The following ERC2 variants were observed in gnomAD, a reference collection of about 807,000 sequenced individuals.
ERC2 encodes the protein ERC protein 2.
ERC2 carries 42 observed loss-of-function variants against 114.8 expected under a neutral mutation model. The ratio of observed to expected loss-of-function variants is 0.37; its 90% CI spans 0.29 to 0.47. The LOEUF is 0.47. Among genes scored for constraint, ERC2 ranks in the 20% least tolerant of loss-of-function variants. The pLI is 0.99. For synonymous variants in ERC2, 454 were observed against 425.5 expected (o/e 1.07, Z -0.82); for missense variants, 939 against 1,150.7 (o/e 0.82, Z 2.66).
At chr3:55,767,962 G>A (rs527670841) in intron 14 of ERC2, among the ~76,000 whole-genome samples, 3 of 152,114 alleles carry the variant, frequency 2.0e-5, no homozygotes, top group Non-Finnish European at 4.4e-5. Context: ...TTGGATCATG[G>A]GGGCAGATTT....
At chr3:55,598,835 G>A (rs972570726) in intron 17 of ERC2, among the ~76,000 whole-genome samples, 3 of 152,196 alleles carry the variant, frequency 2.0e-5, no homozygotes, top group Admixed American at 2.0e-4. Context: ...CAGATTGTCT[G>A]GGGAACATTC....
Position 55,777,178 on chromosome 3 carries a change from G to T in ERC2, c.2565-42260C>A, listed in dbSNP as rs113851741. 2.0e-5 allele frequency among the ~76,000 whole-genome samples: 3 copies of T among 152,350 alleles called. 1 individual carries two copies. The highest frequency in any genetic ancestry group is 7.2e-5 in the African/African-American group (3 of 41,584). On this transcript the variant is annotated intron_variant, in intron 14 of 17. Coordinates refer to ENST00000288221, the MANE Select transcript of ERC2 (RefSeq NM_015576.3). ...GCCAGGCAGAGGCACCTGGCACCCT[G>T]TGGATCATACCTGGTGTCAATATTC...
intron 14 of ERC2, among the ~76,000 whole-genome samples, chr3:55,863,266 C>CTGGA (rs1028372767): frequency 2.0e-5 from 3 of 152,094 alleles, no homozygotes. Flanking sequence ...AGACTCAGTA[C>CTGGA]TGGATAAGTG....
chr3:55,924,260 G>T (rs1480267142), intron 13 of ERC2, among the ~76,000 whole-genome samples: 5 of 152,246 alleles, frequency 3.3e-5, no homozygotes, highest in Admixed American at 2.6e-4. Context: ...CCAAGGGCCA[G>T]ACAGTAAAAT....
chr3:56,189,459 A>G (rs1052294962), intron 3 of ERC2, among the ~76,000 whole-genome samples: 1 of 152,230 alleles, frequency 6.6e-6, no homozygotes, highest in Non-Finnish European at 1.5e-5. Context: ...TGTTGAGTCC[A>G]TCCTTCTGGG....
intron 13 of ERC2, among the ~76,000 whole-genome samples, chr3:55,920,936 T>C (rs560532217): frequency 1.8e-4 from 27 of 152,110 alleles, no homozygotes; most frequent in African/African-American, 6.0e-4. Flanking sequence ...GTCACACAGC[T>C]AGAAAGTGAT....
chr3:56,061,341 T>G (rs912595879), intron 7 of ERC2, among the ~76,000 whole-genome samples: 2 of 152,234 alleles, frequency 1.3e-5, no homozygotes, highest in Non-Finnish European at 2.9e-5. Flanking sequence ...CTATTGACCT[T>G]GTAAGCATTT....
At chr3:56,370,220 T>A (rs544351233) in intron 2 of ERC2, among the ~76,000 whole-genome samples, 1 of 152,322 alleles carries the variant, frequency 6.6e-6, no homozygotes, top group African/African-American at 2.4e-5. Flanking sequence ...GATGGAAATC[T>A]TAGAAACATC....
intron 17 of ERC2, chr3:55,657,761 T>A (rs1277406764): frequency 6.6e-6 from 1 of 152,210 alleles, no homozygotes; most frequent in African/African-American, 2.4e-5. Flanking sequence ...CACCCACCCC[T>A]GGATGTATTT....
chr3:55,974,313 G>A (rs967953862), intron 12 of ERC2, among the ~76,000 whole-genome samples: 3 of 152,144 alleles, frequency 2.0e-5, no homozygotes, highest in Non-Finnish European at 2.9e-5. Flanking sequence ...CCTTGTCTTC[G>A]TTATGTGCTG....
At chr3:56,032,997 A>AAC (rs1553782231) in intron 7 of ERC2, among the ~76,000 whole-genome samples, 1 of 139,222 alleles carries the variant, frequency 7.2e-6, no homozygotes, top group East Asian at 2.4e-4. Context: ...GAAAGAAAGA[A>AAC]AGAAAGAAAG....
At position 56,435,143 on chromosome 3, in the gene ERC2, G is replaced by A; in HGVS notation, c.-136C>T. 1 of 642,454 alleles carries A rather than the reference G, an allele frequency of 1.6e-6. No homozygotes were observed. Among genetic ancestry groups the A allele is most frequent in the South Asian group, 2.1e-5 (1 of 47,546 alleles). The allele number at this position is 642,454 out of a possible 1,614,324, so 39.8% of individuals were successfully genotyped here. A position where few individuals can be genotyped will look rare whatever the true frequency, so the allele number is the denominator to read the frequency against. On this transcript the variant is annotated 5_prime_UTR_variant, in exon 2 of 18. Transcript: ENST00000288221. ...CCGTACCAGAAAATAACTCCACTCA[G>A]AGATCTACAAAGTGAAAAAAAGAAT...
intron 17 of ERC2, among the ~76,000 whole-genome samples, chr3:55,561,308 T>C (rs1034599185): frequency 1.3e-5 from 2 of 152,190 alleles, no homozygotes; most frequent in South Asian, 2.1e-4. Flanking sequence ...GTGTCCATTA[T>C]GGCTTTGGAC....
chr3:56,208,009 G>A (rs552314536), intron 3 of ERC2, among the ~76,000 whole-genome samples: 1 of 152,288 alleles, frequency 6.6e-6, no homozygotes, highest in African/African-American at 2.4e-5. Flanking sequence ...TGTGTTAAGC[G>A]TAAACTGCTT....
chr3:55,609,463 C>T (rs1184079864), intron 17 of ERC2, among the ~76,000 whole-genome samples: 1 of 152,106 alleles, frequency 6.6e-6, no homozygotes, highest in Non-Finnish European at 1.5e-5. Context: ...GGAGGGAAGA[C>T]TGGAAGTTAA....
chr3:55,588,063 A>C (rs79254835), intron 17 of ERC2, among the ~76,000 whole-genome samples: 3,521 of 152,274 alleles, frequency 0.023, 149 homozygotes, highest in African/African-American at 0.08. Context: ...AAGTTATCCA[A>C]GTGCCTAAAA....
intron 13 of ERC2, among the ~76,000 whole-genome samples, chr3:55,913,934 A>C (rs1260372002): frequency 9.2e-5 from 14 of 152,214 alleles, no homozygotes. Context: ...GAGATTCAAA[A>C]GAATCCACCT....
chr3:55,869,490 A>C (rs1181647106), intron 14 of ERC2, among the ~76,000 whole-genome samples: 1 of 152,102 alleles, frequency 6.6e-6, no homozygotes, highest in Non-Finnish European at 1.5e-5. Flanking sequence ...TTTTTTGATT[A>C]TGGGTTCCAT....
At chr3:55,972,451 C>T (rs557544406) in intron 12 of ERC2, among the ~76,000 whole-genome samples, 27 of 152,194 alleles carry the variant, frequency 1.8e-4, no homozygotes, top group South Asian at 1.5e-3. Context: ...CAACAGGCCA[C>T]GGTGTGTGAT....
Sources: allele counts gnomAD v4.1 joint callset (sites outside exome capture counted in the v4.1 genomes callset), GRCh38; gene constraint gnomAD v4.1.1; transcripts MANE v1.5; gene names NCBI Gene and HGNC (gene_info 2026-07-23, HGNC 2026-07-21).